RSRC1: variants seen among roughly 807,000 people sequenced by gnomAD.
The protein encoded by RSRC1 is serine/Arginine-related protein 53.
In RSRC1, 39 loss-of-function variants were observed where a neutral mutation model predicts 49.1. That is an observed-to-expected ratio of 0.79 (90% CI 0.61 to 1.04). RSRC1 has a LOEUF of 1.04. Among genes scored for constraint, RSRC1 ranks in the 50% least tolerant of loss-of-function variants. RSRC1 has a pLI of 0.00. For synonymous variants in RSRC1, 143 were observed against 130.8 expected (o/e 1.09, Z -0.63); for missense variants, 388 against 402.4 (o/e 0.96, Z 0.31).
intron 1 of RSRC1, among the ~76,000 whole-genome samples, chr3:158,112,851 T>G (rs1364477640): frequency 6.6e-6 from 1 of 152,146 alleles, no homozygotes; most frequent in African/African-American, 2.4e-5. Flanking sequence ...CAGGTCCATG[T>G]GTTCTCAATA....
chr3:158,528,909 A>T (rs1217700343), intron 7 of RSRC1, among the ~76,000 whole-genome samples: 1 of 151,896 alleles, frequency 6.6e-6, no homozygotes, highest in Non-Finnish European at 1.5e-5. Flanking sequence ...TGGTTTAACC[A>T]AATTCATGGA....
intron 4 of RSRC1, among the ~76,000 whole-genome samples, chr3:158,250,591 C>G (rs1724152632): frequency 6.6e-6 from 1 of 152,176 alleles, no homozygotes; most frequent in Non-Finnish European, 1.5e-5. Flanking sequence ...TTTTCAAATA[C>G]CTGTTTGTCA....
At chr3:158,147,874 T>C (rs1717245864) in intron 3 of RSRC1, among the ~76,000 whole-genome samples, 1 of 152,222 alleles carries the variant, frequency 6.6e-6, no homozygotes, top group South Asian at 2.1e-4. Flanking sequence ...TTATCTGTGG[T>C]AAAGGACTTT....
chr3:158,261,000 C>A (rs1052168788), intron 4 of RSRC1, among the ~76,000 whole-genome samples: 1 of 152,136 alleles, frequency 6.6e-6, no homozygotes, highest in Non-Finnish European at 1.5e-5. Flanking sequence ...GTGTCTCTTT[C>A]CTTAATGTGG....
chr3:158,423,847 G>A (rs9757953), intron 6 of RSRC1, among the ~76,000 whole-genome samples: 76,856 of 150,004 alleles, frequency 0.51, 20,036 homozygotes, highest in African/African-American at 0.6. Context: ...AATTGTGAAT[G>A]GGAGTTCACT....
At chr3:158,179,602 A>G (rs7613737) in intron 3 of RSRC1, among the ~76,000 whole-genome samples, 2,914 of 152,228 alleles carry the variant, frequency 0.019, 92 homozygotes, top group African/African-American at 0.068. Flanking sequence ...GCTAAGTAGT[A>G]TCTCACGGTA....
At chr3:158,273,708 G>T (rs1318420038) in intron 4 of RSRC1, among the ~76,000 whole-genome samples, 1 of 152,112 alleles carries the variant, frequency 6.6e-6, no homozygotes, top group African/African-American at 2.4e-5. Flanking sequence ...TACTGAATAA[G>T]TATTACCCTA....
chr3:158,515,588 C>A (rs1402658065), intron 7 of RSRC1, among the ~76,000 whole-genome samples: 423 of 129,890 alleles, frequency 3.3e-3, no homozygotes, highest in African/African-American at 0.013. Context: ...TGGAGTTGCT[C>A]TTCTCGAGGA....
chr3:158,349,767 G>A (rs1730762198), intron 5 of RSRC1, among the ~76,000 whole-genome samples: 1 of 128,384 alleles, frequency 7.8e-6, no homozygotes, highest in Non-Finnish European at 1.5e-5. Flanking sequence ...GCACAATCTC[G>A]GCTCATTGCA....
chr3:158,224,951 A>G (rs1722440069), intron 4 of RSRC1, among the ~76,000 whole-genome samples: 1 of 151,900 alleles, frequency 6.6e-6, no homozygotes, highest in Non-Finnish European at 1.5e-5. Flanking sequence ...GGCTAAGTAA[A>G]TGCCTATAAA....
At chr3:158,297,139 A>T (rs897179192) in intron 4 of RSRC1, among the ~76,000 whole-genome samples, 1 of 152,104 alleles carries the variant, frequency 6.6e-6, no homozygotes, top group African/African-American at 2.4e-5. Context: ...TGGTAGGATT[A>T]TAATTTCTTG....
At chr3:158,200,628 A>G (rs922017357) in intron 3 of RSRC1, among the ~76,000 whole-genome samples, 2 of 151,878 alleles carry the variant, frequency 1.3e-5, no homozygotes, top group Admixed American at 6.6e-5. Flanking sequence ...AAAGCAATCT[A>G]TTGACTTTTT....
chr3:158,364,583 T>G (rs950997159), intron 6 of RSRC1, among the ~76,000 whole-genome samples: 1 of 152,088 alleles, frequency 6.6e-6, no homozygotes, highest in Non-Finnish European at 1.5e-5. Context: ...ACTAATGGGT[T>G]GTTGTTATGG....
intron 4 of RSRC1, chr3:158,225,804 G>A: frequency 2.6e-6 from 1 of 380,284 alleles, no homozygotes; most frequent in Non-Finnish European, 5.1e-6. Flanking sequence ...TTTAAAATAA[G>A]GACTACTTGA....
At chr3:158,543,090 C>T (rs542115879) in intron 8 of RSRC1, among the ~76,000 whole-genome samples, 2 of 151,978 alleles carry the variant, frequency 1.3e-5, no homozygotes, top group East Asian at 1.9e-4. Context: ...TATAGTTATT[C>T]CTATATTCTA....
At chr3:158,397,821 A>G (rs1733693605) in intron 6 of RSRC1, among the ~76,000 whole-genome samples, 1 of 152,076 alleles carries the variant, frequency 6.6e-6, no homozygotes, top group Non-Finnish European at 1.5e-5. Context: ...ACTTACATAA[A>G]GGATCTCATC....
At chr3:158,506,004 C>T (rs1739843799) in intron 7 of RSRC1, among the ~76,000 whole-genome samples, 1 of 151,970 alleles carries the variant, frequency 6.6e-6, no homozygotes, top group Non-Finnish European at 1.5e-5. Context: ...AATTTGTTAG[C>T]ACTACTGGGG....
chr3:158,139,160 G>A (rs1458550770), intron 3 of RSRC1, among the ~76,000 whole-genome samples: 2 of 152,024 alleles, frequency 1.3e-5, no homozygotes, highest in African/African-American at 4.8e-5. Context: ...CAGCACTTTG[G>A]GAGGCTCAGG....
At chr3:158,461,026 C>T (rs1296548675) in intron 7 of RSRC1, 23 bp downstream of exon 7, 1 of 1,555,098 alleles carries the variant, frequency 6.4e-7, no homozygotes, top group East Asian at 2.3e-5. Flanking sequence ...GTTCATTTTT[C>T]TCTGAGAAAT....
Sources: allele counts gnomAD v4.1 joint callset (sites outside exome capture counted in the v4.1 genomes callset), GRCh38; gene constraint gnomAD v4.1.1; transcripts MANE v1.5; gene names NCBI Gene and HGNC (gene_info 2026-07-23, HGNC 2026-07-21).